LDLRAD4: variants seen among roughly 807,000 people sequenced by gnomAD.
LDLRAD4 encodes the protein low-density lipoprotein receptor class A domain-containing protein 4.
Under a neutral mutation model 17.0 loss-of-function variants are expected in LDLRAD4, and 5 were observed. The ratio of observed to expected loss-of-function variants is 0.29; its 90% CI spans 0.15 to 0.62. The LOEUF is 0.62. LDLRAD4 is among the 20% of genes least tolerant of loss of function. The pLI, the probability that LDLRAD4 is intolerant of heterozygous loss-of-function variation, is 0.84. For synonymous variants in LDLRAD4, 168 were observed against 171.8 expected, an observed-to-expected ratio of 0.98 and a Z score of 0.17; for missense variants, 340 against 424.7, an observed-to-expected ratio of 0.80 and a Z score of 1.75.
chr18:13,341,105 C>T (rs1377034342), intron 1 of LDLRAD4, among the ~76,000 whole-genome samples: 1 of 152,084 alleles, frequency 6.6e-6, no homozygotes, highest in Non-Finnish European at 1.5e-5. Context: ...ATGCCAGTAT[C>T]ACACTGTCTT....
intron 3 of LDLRAD4, among the ~76,000 whole-genome samples, chr18:13,508,621 C>G (rs942978919): frequency 1.3e-5 from 2 of 152,130 alleles, no homozygotes; most frequent in Admixed American, 6.6e-5. Flanking sequence ...AACAACAAAA[C>G]TGGATGACAG....
chr18:13,484,180 G>A (rs11080660), intron 3 of LDLRAD4: 89,550 of 152,036 alleles, frequency 0.59, 26,704 homozygotes, highest in African/African-American at 0.67. Context: ...CTCTGCATTC[G>A]CTGGGTGATG....
intron 3 of LDLRAD4, chr18:13,613,614 T>C (rs1432529512): frequency 1.3e-5 from 2 of 152,214 alleles, no homozygotes; most frequent in East Asian, 3.8e-4. Context: ...TCTGAAGAGA[T>C]CATGAAACTC....
chr18:13,582,178 A>G (rs2094869998), intron 3 of LDLRAD4, among the ~76,000 whole-genome samples: 1 of 152,224 alleles, frequency 6.6e-6, no homozygotes, highest in Non-Finnish European at 1.5e-5. Context: ...GGGAAAAAAC[A>G]AAAAAACCTA....
At chr18:13,322,551 C>T (rs2081313936) in intron 1 of LDLRAD4, among the ~76,000 whole-genome samples, 1 of 152,100 alleles carries the variant, frequency 6.6e-6, no homozygotes, top group African/African-American at 2.4e-5. Flanking sequence ...CCACCTGCCT[C>T]AGCCTCCCAA....
intron 3 of LDLRAD4, among the ~76,000 whole-genome samples, chr18:13,531,193 A>G (rs1038362472): frequency 2.0e-5 from 3 of 152,234 alleles, no homozygotes; most frequent in African/African-American, 7.2e-5. Flanking sequence ...GGGTGGCACC[A>G]GTTCCAACTC....
intron 2 of LDLRAD4, among the ~76,000 whole-genome samples, chr18:13,423,031 C>T (rs2089627971): frequency 6.6e-6 from 1 of 152,204 alleles, no homozygotes; most frequent in Admixed American, 6.5e-5. Flanking sequence ...ACTTAGCCTG[C>T]ATTGAGCCTG....
chr18:13,317,290 A>G (rs1458892134), intron 1 of LDLRAD4, among the ~76,000 whole-genome samples: 1 of 152,244 alleles, frequency 6.6e-6, no homozygotes, highest in Non-Finnish European at 1.5e-5. Context: ...TCTCAGGGAT[A>G]GCTTCAACCT....
chr18:13,226,180 C>CTTTTTT lies in LDLRAD4; in HGVS notation c.-467+7208_-467+7213dup, dbSNP rs71174166. Among the ~76,000 whole-genome samples, 81 of 52,206 alleles carry CTTTTTT rather than the reference C, an allele frequency of 1.6e-3. 11 individuals are homozygous for CTTTTTT. In the East Asian group the frequency reaches 0.016, roughly 10 times the overall value. The allele number at this position is 52,206 out of a possible 152,430, so 34.2% of individuals were successfully genotyped here. On this transcript the variant is annotated intron_variant, in intron 1 of 5. Coordinates refer to the LDLRAD4 transcript ENST00000399848. The stretch of plus-strand genomic sequence containing the variant: ...GGACTACAGATGCTGCCATGCCTTG[C>CTTTTTT]TTTTTTTTTTTTTTTTTTTTTGTAG...
At chr18:13,613,705 G>A (rs908081781) in intron 3 of LDLRAD4, 2 of 152,218 alleles carry the variant, frequency 1.3e-5, no homozygotes, top group African/African-American at 2.4e-5. Flanking sequence ...TGCCACTCCA[G>A]CTGGACGGGC....
At chr18:13,429,489 G>A (rs142591842) in intron 2 of LDLRAD4, among the ~76,000 whole-genome samples, 13 of 152,324 alleles carry the variant, frequency 8.5e-5, no homozygotes, top group Non-Finnish European at 1.8e-4. Context: ...CAGAATTCAG[G>A]AATCCATTTT....
chr18:13,381,853 G>A (rs187636941), intron 1 of LDLRAD4, among the ~76,000 whole-genome samples: 3 of 152,362 alleles, frequency 2.0e-5, no homozygotes, highest in Admixed American at 1.3e-4. Flanking sequence ...GAGCTGTGCC[G>A]TGCAGCTCTC....
intron 1 of LDLRAD4, among the ~76,000 whole-genome samples, chr18:13,352,685 C>A (rs1385293302): frequency 6.6e-6 from 1 of 152,036 alleles, no homozygotes; most frequent in East Asian, 1.9e-4. Flanking sequence ...CTCTTTCTCT[C>A]TTCTCCTTCT....
At chr18:13,504,590 G>A (rs180773405) in intron 3 of LDLRAD4, among the ~76,000 whole-genome samples, 15 of 152,188 alleles carry the variant, frequency 9.9e-5, no homozygotes, top group Admixed American at 4.6e-4. Flanking sequence ...ATCACGCCTG[G>A]CTAATTTTTG....
At chr18:13,494,967 G>A (rs2093437199) in intron 3 of LDLRAD4, among the ~76,000 whole-genome samples, 1 of 151,856 alleles carries the variant, frequency 6.6e-6, no homozygotes, top group African/African-American at 2.4e-5. Flanking sequence ...AACCCCGTTT[G>A]CCTTCAACCC....
Position 13,300,960 on chromosome 18 carries a change from C to G in LDLRAD4, c.-383+22772C>G, listed in dbSNP as rs534523248. Among the ~76,000 whole-genome samples, 3 of 152,238 alleles carry G rather than the reference C, an allele frequency of 2.0e-5. No homozygotes were observed. Among genetic ancestry groups the G allele is most frequent in the African/African-American group, 7.2e-5 (3 of 41,476 alleles). On this transcript the variant is annotated intron_variant, in intron 1 of 5. Transcript: ENST00000359446. This position sits in a 1 kb window ranked among gnomAD's most constrained non-coding sequence, Gnocchi z 4.2. ...GCTGATCTTCCAGTGCCCGAGTCCC[C>G]GCTGTGAGCGCCCTGAGGAGCATGT... is the stretch of plus-strand genomic sequence containing the variant.
chr18:13,497,071 C>T (rs1352413764), intron 3 of LDLRAD4, among the ~76,000 whole-genome samples: 1 of 152,232 alleles, frequency 6.6e-6, no homozygotes, highest in Non-Finnish European at 1.5e-5. Flanking sequence ...TAGTAATTTC[C>T]ATCCAGCCTG....
At chr18:13,593,547 C>T (rs918422339) in intron 3 of LDLRAD4, among the ~76,000 whole-genome samples, 1 of 151,706 alleles carries the variant, frequency 6.6e-6, no homozygotes, top group Non-Finnish European at 1.5e-5. Flanking sequence ...TGTTTATTTA[C>T]TTTATCTATC....
intron 1 of LDLRAD4, among the ~76,000 whole-genome samples, chr18:13,231,721 CT>C (rs2042087511): frequency 6.6e-6 from 1 of 152,212 alleles, no homozygotes; most frequent in African/African-American, 2.4e-5. Context: ...AAACGTGTAA[CT>C]ATTTAAAGCT....
Sources: allele counts gnomAD v4.1 joint callset (sites outside exome capture counted in the v4.1 genomes callset), GRCh38; gene constraint gnomAD v4.1.1; non-coding constraint Gnocchi (gnomAD v3.1); transcripts MANE v1.5; gene names NCBI Gene and HGNC (gene_info 2026-07-23, HGNC 2026-07-21).